NEU4: variants seen among roughly 807,000 people sequenced by gnomAD.
NEU4 encodes sialidase-4.
NEU4 carries 7 observed loss-of-function variants against 9.9 expected under a neutral mutation model. That is an observed-to-expected ratio of 0.71 (90% CI 0.40 to 1.33). The LOEUF (loss-of-function observed/expected upper bound fraction) is 1.33. Among genes scored for constraint, NEU4 ranks in the 40% most tolerant of loss-of-function variants. The pLI is 0.01. For missense variants in NEU4, 717 were observed against 712.6 expected, an observed-to-expected ratio of 1.01 and a Z score of -0.07; for synonymous variants, 348 against 316.9, an observed-to-expected ratio of 1.10 and a Z score of -1.04.
chr2:241,810,643 T>G (rs1700082943), intron 1 of NEU4: 1 of 153,418 alleles, frequency 6.5e-6, no homozygotes, highest in South Asian at 2.0e-4. Context: ...TGGGCAGTGG[T>G]CATTTGAGCA....
intron 3 of NEU4, 23 bp from the exon 4 acceptor site, chr2:241,816,028 C>A: frequency 6.4e-7 from 1 of 1,567,986 alleles, no homozygotes; most frequent in South Asian, 1.2e-5. Flanking sequence ...CAGCCCCTCC[C>A]ACCTCTGCCC....
In NEU4 at chr2:241,813,369, G is replaced by A. The variant is rs552272140; in HGVS notation, c.-3-1113G>A. On this transcript the variant is annotated intron_variant, in intron 1 of 3. Transcript: ENST00000407683. ...GGTGCCCCGTGTGCCCGGCCTGGGC[G>A]GCTGGCCGTGGATCTGACCGCTCCT... The A allele has an allele frequency of 5.9e-5, 62 of 1,043,990 alleles. No homozygotes were observed. The African/African-American group carries it at 8.3e-4, about 14-fold the overall frequency. 64.7% of individuals were successfully genotyped at this position (1,043,990 alleles called of 1,614,324 possible).
Position 241,817,125 on chromosome 2 carries a change from G to T in NEU4, c.*77G>T. 7.2e-7 allele frequency: 1 copy of T among 1,385,394 alleles called. No homozygotes were observed. Among genetic ancestry groups the T allele is most frequent in the East Asian group, 2.5e-5 (1 of 40,408 alleles). 85.8% of individuals were successfully genotyped at this position (1,385,394 alleles called of 1,614,324 possible). ...GAATACGTTGGGGTGCCCCACGATA[G>T]CTGTGGGGGGGGCTCTTAGTGCAGG... On this transcript the variant is annotated 3_prime_UTR_variant, in exon 4 of 4. Transcript: ENST00000407683.
chr2:241,809,482 G>A, intron 1 of NEU4: 1 of 354,258 alleles, frequency 2.8e-6, no homozygotes, highest in Non-Finnish European at 5.6e-6. Flanking sequence ...AGCCTTCCGT[G>A]TGATGCTGGG....
Position 241,814,479 on chromosome 2 carries a change from C to T in NEU4, c.-3-3C>T, listed in dbSNP as rs528594855. On this transcript the variant is annotated splice_polypyrimidine_tract_variant and splice_region_variant and intron_variant, in intron 1 of 3. Transcript: ENST00000407683. ...TGACCTGTGGCCCTGTACTGACCAG[C>T]AGAGCATGGGGGTCCCTCGTACCCC... 17 of 1,610,324 alleles carry T rather than the reference C, an allele frequency of 1.1e-5. No individual in the cohort carries two copies. The African/African-American group carries it at 2.3e-4, about 21-fold the overall frequency.
intron 1 of NEU4, among the ~76,000 whole-genome samples, chr2:241,813,091 C>T (rs1034989173): frequency 1.3e-5 from 2 of 152,202 alleles, no homozygotes; most frequent in East Asian, 3.9e-4. Flanking sequence ...AGCCAAGAGC[C>T]TTTCAGGAAC....
chr2:241,817,027 G>C lies in NEU4; in HGVS notation c.1434G>C (p.Arg478=). 1 of 1,598,908 alleles carries C rather than the reference G, an allele frequency of 6.3e-7. No individual in the cohort carries two copies. Among genetic ancestry groups the C allele is most frequent in the South Asian group, 1.1e-5 (1 of 88,396 alleles). Reference sequence around the variant, plus strand: ...CGCCCAACCTTGGGGACAAGCCTCGGGGGTGCTGCTGGCCCTCCTGACAGG... The same window carrying C: ...CGCCCAACCTTGGGGACAAGCCTCGCGGGTGCTGCTGGCCCTCCTGACAGG... ...PKPPNLGDKP[R]GCCWPS The change falls in exon 4 of 4, where the codon CGG becomes CGC. Residue 478 remains arginine, a synonymous_variant. Coordinates refer to ENST00000407683, the MANE Select transcript of NEU4 (RefSeq NM_001167600.3).
Position 241,816,176 on chromosome 2 carries a change from CCTCA to C in NEU4, c.587_590del (p.His196ProfsTer126). On this transcript the variant is annotated frameshift_variant, in exon 4 of 4. Coordinates refer to ENST00000407683, the MANE Select transcript of NEU4 (RefSeq NM_001167600.3). LOFTEE classifies it low-confidence loss of function (END_TRUNC). ...TTTTGGCAAGATCTGCCGGACCAGC[CCTCA>C]CTCCTTCGCCTTCTACAGCGATGAC... 1 of 1,612,692 alleles carries C rather than the reference CCTCA, an allele frequency of 6.2e-7. No homozygotes were observed. The highest frequency in any genetic ancestry group is 8.5e-7 in the Non-Finnish European group (1 of 1,179,838).
At chr2:241,810,431 G>A (rs1700077234) in intron 1 of NEU4, 1 of 152,228 alleles carries the variant, frequency 6.6e-6, no homozygotes, top group African/African-American at 2.4e-5. Flanking sequence ...GGACGCGGCA[G>A]GTTTATCATC....
intron 1 of NEU4, chr2:241,814,204 C>A (rs775182372): frequency 1.2e-5 from 8 of 645,400 alleles, no homozygotes; most frequent in Non-Finnish European, 2.0e-5. Context: ...CCAGCCTGGC[C>A]GAGGGTCAGC....
At position 241,816,216 on chromosome 2, in the gene NEU4, C is replaced by T. The variant is rs1192250127; in HGVS notation, c.623C>T (p.Thr208Ile). The change falls in exon 4 of 4, where the codon ACC becomes ATC. Residue 208 changes from threonine (T) to isoleucine (I), a missense_variant. Transcript: ENST00000407683. ...TTCTACAGCGATGACCACGGCCGCA[C>T]CTGGCGCTGTGGAGGCCTCGTGCCC... ...FAFYSDDHGR[T>I]WRCGGLVPNL... 3 of 1,612,274 alleles carry T rather than the reference C, an allele frequency of 1.9e-6. No homozygotes were observed. Among genetic ancestry groups the T allele is most frequent in the Non-Finnish European group, 2.5e-6 (3 of 1,179,740 alleles).
chr2:241,815,783 G>A (rs371674579), intron 3 of NEU4: 9 of 587,340 alleles, frequency 1.5e-5, no homozygotes, highest in South Asian at 2.0e-5. Flanking sequence ...CATGCCCCCC[G>A]CCTGCCCTCC....
In NEU4 at chr2:241,814,610, GC is replaced by G; in HGVS notation, c.127del (p.Arg43GlyfsTer14). ...GPTLLAFVEQRLSPDDSHAHR... is the reference protein window; with the variant it reads ...GPTLLAFVEQXLSPDDSHAHR... ...CCACCCTGCTGGCCTTTGTGGAGCA[GC>G]GGCTCAGCCCTGACGACTCCCACGC... On this transcript the variant is annotated frameshift_variant, in exon 2 of 4. Transcript: ENST00000407683. LOFTEE classifies it high-confidence loss of function. The G allele has an allele frequency of 6.2e-7, 1 of 1,609,260 alleles. No individual in the cohort carries two copies. The highest frequency in any genetic ancestry group is 8.5e-7 in the Non-Finnish European group (1 of 1,178,646).
At position 241,816,433 on chromosome 2, in the gene NEU4, C is replaced by T. The variant is rs745918303; in HGVS notation, c.840C>T (p.Ile280=). The T allele has an allele frequency of 8.7e-6, 14 of 1,607,378 alleles. No homozygotes were observed. Among genetic ancestry groups the T allele is most frequent in the African/African-American group, 2.7e-5 (2 of 74,860 alleles). ...PETAWGCQGS[I]VGFPAPAPNR... ...CTGCCTGGGGCTGCCAGGGCAGCAT[C>T]GTGGGCTTCCCAGCCCCCGCCCCCA... Residue 280 remains isoleucine, a synonymous_variant, in exon 4 of 4, where the codon ATC becomes ATT. Transcript: ENST00000407683.
rs1397405754 is a variant in NEU4, at chr2:241,817,181, AG to A, written c.*134del. On this transcript the variant is annotated 3_prime_UTR_variant, in exon 4 of 4. Transcript: ENST00000407683. ...GTGGATTAGAAACAAGTTGCTCCTC[AG>A]AGCTCTCAAGCAGGGACTGCTCTTT... 2 of 932,440 alleles carry A rather than the reference AG, an allele frequency of 2.1e-6. No homozygotes were observed. The highest frequency in any genetic ancestry group is 3.0e-6 in the Non-Finnish European group (2 of 664,546). The allele number at this position is 932,440 out of a possible 1,614,324, so 57.8% of individuals were successfully genotyped here.
At chr2:241,815,957 C>T in intron 3 of NEU4, 94 bp from the exon 4 acceptor site, 1 of 1,280,650 alleles carries the variant, frequency 7.8e-7, no homozygotes, top group Non-Finnish European at 1.1e-6. Flanking sequence ...ACCCGAGGCA[C>T]CAGCCCCTCC....
chr2:241,812,086 GGTGTGCGTGGACCCCAGAGGGT>G (rs1198474186), intron 1 of NEU4: 6 of 148,228 alleles, frequency 4.0e-5, no homozygotes, highest in Admixed American at 3.3e-4. Context: ...GACCCCAGAG[GGTGTGCGTGGACCCCAGAGGGT>G]GTGTGCGGAC....
chr2:241,811,102 G>C, intron 1 of NEU4: 1 of 1,191,260 alleles, frequency 8.4e-7, no homozygotes, highest in Non-Finnish European at 1.0e-6. Flanking sequence ...TGGAGCAGCA[G>C]ACCCGTGTCC....
rs779829285 is a variant in NEU4, at chr2:241,816,097, C to T, written c.504C>T (p.Pro168=). Residue 168 remains proline, a synonymous_variant, in exon 4 of 4, where the codon CCC becomes CCT. Transcript: ENST00000407683. ...AVGPGHGVQL[P]SGRLLVPAYT... is the part of the protein sequence containing the mutation. ...GTCCCGGCCACGGTGTGCAGCTGCC[C>T]TCAGGCCGCCTGCTGGTACCCGCCT... 5 of 1,610,540 alleles carry T rather than the reference C, an allele frequency of 3.1e-6. No individual in the cohort carries two copies. Among genetic ancestry groups the T allele is most frequent in the Non-Finnish European group, 4.2e-6 (5 of 1,179,126 alleles).
Sources: allele counts gnomAD v4.1 joint callset (sites outside exome capture counted in the v4.1 genomes callset), GRCh38; gene constraint gnomAD v4.1.1; transcripts MANE v1.5; gene names NCBI Gene and HGNC (gene_info 2026-07-23, HGNC 2026-07-21).